Variants in EXD3 observed in about 807,000 individuals in gnomAD.
The protein encoded by EXD3 is exonuclease 3'-5' domain containing 3, also known as exonuclease mut-7 homolog.
A neutral mutation model predicts 98.0 loss-of-function variants in EXD3; 92 were observed. That is an observed-to-expected ratio of 0.94 (90% CI 0.79 to 1.12). The LOEUF (loss-of-function observed/expected upper bound fraction) is 1.12. Among genes scored for constraint, EXD3 ranks in the 50% most tolerant of loss-of-function variants. EXD3 has a pLI of 0.00. For synonymous variants in EXD3, 569 were observed against 526.0 expected (o/e 1.08, Z -1.12); for missense variants, 1,222 against 1,191.6 (o/e 1.03, Z -0.38).
chr9:137,366,672 C>A, intron 6 of EXD3, 40 bp from the exon 7 acceptor site: 4 of 1,534,538 alleles, frequency 2.6e-6, no homozygotes, highest in Non-Finnish European at 3.5e-6. Context: ...CCTCCGCCAC[C>A]TCAGCCAAAA....
chr9:137,367,735 G>T (rs1189773851), intron 6 of EXD3: 1 of 557,180 alleles, frequency 1.8e-6, no homozygotes, highest in Non-Finnish European at 3.2e-6. Flanking sequence ...GTTCGTGTAC[G>T]TGCGGCTGCG....
rs552275681 is a variant in EXD3 at position 137,333,638 on chromosome 9, G to A, written c.1999-9495C>T. On this transcript the variant is annotated intron_variant, in intron 17 of 21. Transcript: ENST00000340951. ...GCCTGGTCGTTTAAAAGTGCGTAGC[G>A]CGTCCCCTCTTGCTCTCTCGCTCCT... is the stretch of plus-strand genomic sequence containing the variant. 2.2e-4 allele frequency among the ~76,000 whole-genome samples: 33 copies of A among 152,116 alleles called. No homozygotes were observed. The South Asian group carries it at 6.0e-3, about 28-fold the overall frequency.
At chr9:137,308,187 A>C (rs1002749583) in intron 20 of EXD3, among the ~76,000 whole-genome samples, 2 of 152,100 alleles carry the variant, frequency 1.3e-5, no homozygotes, top group African/African-American at 4.8e-5. Flanking sequence ...TGTGGGGCTG[A>C]GTGCACGGTA....
chr9:137,322,689 CCGGACCCCCAAGAGATTCTCTG>C, intron 19 of EXD3, among the ~76,000 whole-genome samples: 1 of 138,250 alleles, frequency 7.2e-6, no homozygotes, highest in Non-Finnish European at 1.6e-5. Context: ...ACACCCCACC[CCGGACCCCCAAGAGATTCTCTG>C]CCGACACCCC....
intron 19 of EXD3, among the ~76,000 whole-genome samples, chr9:137,311,300 T>C (rs942828379): frequency 6.6e-6 from 1 of 152,188 alleles, no homozygotes; most frequent in Non-Finnish European, 1.5e-5. Context: ...GCAGGCTTCC[T>C]GGGCAGGTGT....
At chr9:137,321,847 C>T (rs1415229029) in intron 19 of EXD3, among the ~76,000 whole-genome samples, 1 of 152,210 alleles carries the variant, frequency 6.6e-6, no homozygotes, top group East Asian at 1.9e-4. Flanking sequence ...GTCCCCCTTG[C>T]TCCCGTGTCG....
At chr9:137,307,463 C>T in intron 21 of EXD3, 145 bp downstream of exon 21, 1 of 1,280,990 alleles carries the variant, frequency 7.8e-7, no homozygotes, top group South Asian at 1.5e-5. Context: ...GACCCCACCC[C>T]TCACCTTGCA....
chr9:137,377,453 A>C (rs1172063003), intron 3 of EXD3, among the ~76,000 whole-genome samples: 1 of 150,956 alleles, frequency 6.6e-6, no homozygotes, highest in Non-Finnish European at 1.5e-5. Flanking sequence ...TCTAAAAAAA[A>C]AAAAAAAAAG....
chr9:137,391,561 TCC>T (rs1836910755), intron 2 of EXD3, among the ~76,000 whole-genome samples: 1 of 148,702 alleles, frequency 6.7e-6, no homozygotes, highest in African/African-American at 2.5e-5. Flanking sequence ...AGGGCCGGCC[TCC>T]CCGCCCCACC....
intron 17 of EXD3, among the ~76,000 whole-genome samples, chr9:137,336,099 G>C (rs974589186): frequency 6.6e-5 from 10 of 152,092 alleles, no homozygotes; most frequent in Admixed American, 3.9e-4. Flanking sequence ...GGTACACAAA[G>C]GCATGCAGAG....
In EXD3 at chr9:137,353,973, C is replaced by T. The variant is rs559432027; in HGVS notation, c.870+366G>A. 790 of 1,083,206 alleles carry T rather than the reference C, an allele frequency of 7.3e-4. 7 individuals are homozygous for T. The African/African-American group carries it at 0.012, about 16-fold the overall frequency. 67.1% of individuals were successfully genotyped at this position (1,083,206 alleles called of 1,614,324 possible). ...CGGCCGGCTCTGCGCTGGCACCGGG[C>T]TGGGGGGGCCTGGCCTTCCTCCTTC... On this transcript the variant is annotated intron_variant, in intron 10 of 21. Transcript: ENST00000340951.
chr9:137,351,932 G>T, intron 12 of EXD3, 134 bp downstream of exon 12: 1 of 1,183,620 alleles, frequency 8.4e-7, no homozygotes, highest in Non-Finnish European at 1.2e-6. Context: ...TGCCCTCACA[G>T]CAGCCCTGGG....
intron 1 of EXD3, among the ~76,000 whole-genome samples, chr9:137,412,872 G>A (rs1838063828): frequency 6.6e-6 from 1 of 151,974 alleles, no homozygotes; most frequent in African/African-American, 2.4e-5. Flanking sequence ...CAATCTCCAG[G>A]GCTCAAACGA....
intron 17 of EXD3, among the ~76,000 whole-genome samples, chr9:137,328,485 A>AGT (rs1336695260): frequency 6.6e-6 from 1 of 151,746 alleles, no homozygotes; most frequent in Non-Finnish European, 1.5e-5. Flanking sequence ...AGTAAAAACA[A>AGT]AAGTAAAAAC....
chr9:137,401,969 T>G (rs1220742930), intron 1 of EXD3, among the ~76,000 whole-genome samples: 1 of 152,230 alleles, frequency 6.6e-6, no homozygotes, highest in Non-Finnish European at 1.5e-5. Flanking sequence ...TGCGTCAGGT[T>G]GCACATTTTC....
chr9:137,338,283 A>G (rs1171252287), intron 17 of EXD3, among the ~76,000 whole-genome samples: 1 of 152,254 alleles, frequency 6.6e-6, no homozygotes, highest in Non-Finnish European at 1.5e-5. Flanking sequence ...AAAACCTTCT[A>G]AAGAACGAAG....
Position 137,332,625 on chromosome 9 carries a change from C to CCT in EXD3, c.1999-8483_1999-8482insAG, listed in dbSNP as rs1161419664. 6.4e-4 allele frequency among the ~76,000 whole-genome samples: 97 copies of CCT among 152,098 alleles called. 1 individual carries two copies. Among genetic ancestry groups the CCT allele is most frequent in the African/African-American group, 2.3e-3 (95 of 41,498 alleles). On this transcript the variant is annotated intron_variant, in intron 17 of 21. Transcript: ENST00000340951. ...TTGGGAGGCCAAGGCGGGCAGATCA[C>CCT]AAGGTCAGGAGATCGAGACCATCCT...
intron 1 of EXD3, among the ~76,000 whole-genome samples, chr9:137,399,642 T>G (rs1370379511): frequency 6.6e-6 from 1 of 152,162 alleles, no homozygotes; most frequent in Non-Finnish European, 1.5e-5. Context: ...TACCTGAAAC[T>G]GGGAACAAAA....
chr9:137,312,702 G>C (rs1470962257), intron 19 of EXD3, among the ~76,000 whole-genome samples: 3 of 151,952 alleles, frequency 2.0e-5, no homozygotes, highest in African/African-American at 4.8e-5. Context: ...AGATGTGTTA[G>C]GGTGGGGTGA....
Sources: allele counts gnomAD v4.1 joint callset (sites outside exome capture counted in the v4.1 genomes callset), GRCh38; gene constraint gnomAD v4.1.1; transcripts MANE v1.5; gene names NCBI Gene and HGNC (gene_info 2026-07-23, HGNC 2026-07-21).